The following EVA1C variants were observed in gnomAD, a reference collection of about 807,000 sequenced individuals.
EVA1C encodes the protein protein eva-1 homolog C.
In EVA1C, 25 loss-of-function variants were observed where a neutral mutation model predicts 45.4. The observed-to-expected ratio is 0.55, with a 90% confidence interval of 0.40 to 0.77. The LOEUF is 0.77. Ranked by LOEUF, EVA1C falls within the 30% of genes least tolerant of loss-of-function variation. The probability of loss-of-function intolerance (pLI) is 0.00; values close to 1 mark genes in which losing one functional copy is unlikely to be tolerated. For synonymous variants in EVA1C, 190 were observed against 221.2 expected, an observed-to-expected ratio of 0.86 and a Z score of 1.25; for missense variants, 479 against 554.8, an observed-to-expected ratio of 0.86 and a Z score of 1.37.
At chr21:32,425,334 CAAAA>C (rs60224656) in intron 1 of EVA1C, among the ~76,000 whole-genome samples, 1 of 57,770 alleles carries the variant, frequency 1.7e-5, no homozygotes. Flanking sequence ...GACTCCATCT[CAAAA>C]AAAAAAAAAA....
intron 4 of EVA1C, among the ~76,000 whole-genome samples, chr21:32,478,305 G>A (rs982134011): frequency 6.6e-5 from 10 of 151,882 alleles, no homozygotes; most frequent in African/African-American, 1.9e-4. Context: ...TGCAACCTCC[G>A]CCTCCCAGGT....
intron 7 of EVA1C, among the ~76,000 whole-genome samples, chr21:32,513,510 A>G (rs146979251): frequency 2.0e-3 from 296 of 146,190 alleles, no homozygotes; most frequent in Middle Eastern, 7.2e-3. Context: ...ATTTATAAAT[A>G]ATATACATAT....
chr21:32,464,780 C>G (rs1007308372), intron 3 of EVA1C, among the ~76,000 whole-genome samples: 6 of 152,214 alleles, frequency 3.9e-5, no homozygotes, highest in African/African-American at 7.2e-5. Flanking sequence ...CAAGATTGCA[C>G]CCCCCGCACT....
chr21:32,425,170 C>CAAACA lies in EVA1C; in HGVS notation c.160+12159_160+12160insACAAA, dbSNP rs371718177. Among the ~76,000 whole-genome samples the CAAACA allele has an allele frequency of 6.1e-5, 8 of 130,672 alleles. No individual in the cohort carries two copies. The South Asian group carries it at 1.0e-3, about 16-fold the overall frequency. 85.7% of individuals were successfully genotyped at this position (130,672 alleles called of 152,430 possible). A position where few individuals can be genotyped will look rare whatever the true frequency, so the allele number is the denominator to read the frequency against. ...TACTAAAAACAAACAAACAAACAAA[C>CAAACA]AACAACAACAAAAATTAGTTGGGTG... On this transcript the variant is annotated intron_variant, in intron 1 of 7. Transcript: ENST00000300255.
intron 1 of EVA1C, among the ~76,000 whole-genome samples, chr21:32,415,038 G>A (rs765671095): frequency 2.0e-5 from 3 of 152,132 alleles, no homozygotes; most frequent in Non-Finnish European, 2.9e-5. Context: ...GATTTTAGCC[G>A]CCCTCCCTCT....
chr21:32,501,972 T>C (rs1405006674), intron 6 of EVA1C, among the ~76,000 whole-genome samples: 1 of 150,360 alleles, frequency 6.7e-6, no homozygotes, highest in Non-Finnish European at 1.5e-5. Flanking sequence ...CCTCCCTCTC[T>C]CTCTCTCGCT....
intron 7 of EVA1C, among the ~76,000 whole-genome samples, chr21:32,512,367 A>C (rs1206937378): frequency 6.6e-6 from 1 of 152,154 alleles, no homozygotes; most frequent in South Asian, 2.1e-4. Flanking sequence ...TCAAAATATG[A>C]AAAAAGAGGT....
chr21:32,417,772 T>C (rs974764703), intron 1 of EVA1C, among the ~76,000 whole-genome samples: 1 of 152,128 alleles, frequency 6.6e-6, no homozygotes, highest in African/African-American at 2.4e-5. Flanking sequence ...CAGATAAGCA[T>C]TGGGTCTCAG....
intron 1 of EVA1C, among the ~76,000 whole-genome samples, chr21:32,447,581 T>A (rs1238834357): frequency 2.6e-5 from 4 of 152,056 alleles, no homozygotes; most frequent in Non-Finnish European, 5.9e-5. Flanking sequence ...CCTTTTACCA[T>A]GAATGTCTGG....
intron 1 of EVA1C, among the ~76,000 whole-genome samples, chr21:32,443,725 CTTTTAT>C (rs990480981): frequency 1.3e-5 from 2 of 152,168 alleles, no homozygotes; most frequent in African/African-American, 4.8e-5. Context: ...CTAGTGCTCT[CTTTTAT>C]TTTTATTTTA....
chr21:32,471,634 C>CTT (rs781057685), intron 4 of EVA1C, among the ~76,000 whole-genome samples: 1 of 133,948 alleles, frequency 7.5e-6, no homozygotes. Context: ...CCTCCATTTC[C>CTT]TTTTTTTTTT....
chr21:32,469,700 T>C (rs574503201), intron 4 of EVA1C, among the ~76,000 whole-genome samples: 1 of 152,290 alleles, frequency 6.6e-6, no homozygotes, highest in South Asian at 2.1e-4. Context: ...GGCTGCAGTT[T>C]TACATCTGAA....
At chr21:32,487,293 G>A (rs1408146950) in intron 4 of EVA1C, among the ~76,000 whole-genome samples, 1 of 152,190 alleles carries the variant, frequency 6.6e-6, no homozygotes, top group Non-Finnish European at 1.5e-5. Context: ...GCTGGAGAGA[G>A]AGGCTGGAGG....
chr21:32,507,186 C>T (rs1415733767), intron 7 of EVA1C, among the ~76,000 whole-genome samples: 2 of 152,232 alleles, frequency 1.3e-5, no homozygotes, highest in Admixed American at 6.5e-5. Flanking sequence ...TCTGAATGAT[C>T]TGTGAGATGG....
chr21:32,467,251 G>A (rs1274960923), intron 3 of EVA1C, among the ~76,000 whole-genome samples: 1 of 152,192 alleles, frequency 6.6e-6, no homozygotes, highest in Non-Finnish European at 1.5e-5. Flanking sequence ...TCTCTCCAGA[G>A]AGAGAAAGAA....
chr21:32,501,659 G>C, intron 6 of EVA1C, 164 bp downstream of exon 6: 1 of 752,640 alleles, frequency 1.3e-6, no homozygotes, highest in Non-Finnish European at 2.0e-6. Flanking sequence ...GCCAATAGTT[G>C]CAAATGGTGA....
intron 4 of EVA1C, among the ~76,000 whole-genome samples, chr21:32,481,758 C>T (rs115557461): frequency 0.01 from 1,533 of 152,252 alleles, 28 homozygotes; most frequent in African/African-American, 0.035. Context: ...AAGCTTGAAA[C>T]GTACCTTAAA....
chr21:32,475,993 T>G (rs1401261633), intron 4 of EVA1C, among the ~76,000 whole-genome samples: 1 of 152,192 alleles, frequency 6.6e-6, no homozygotes, highest in Admixed American at 6.5e-5. Flanking sequence ...ATGATTTTTC[T>G]GCATGCTTCC....
At chr21:32,430,093 G>T (rs1265537552) in intron 1 of EVA1C, among the ~76,000 whole-genome samples, 1 of 152,188 alleles carries the variant, frequency 6.6e-6, no homozygotes, top group African/African-American at 2.4e-5. Context: ...GATCAGGCGT[G>T]GAGCTTGGGG....
Sources: gnomAD v4.1 joint callset for allele counts (sites outside exome capture counted in the v4.1 genomes callset) on GRCh38, gnomAD v4.1.1 for gene constraint, MANE v1.5 for transcripts, NCBI Gene and HGNC (gene_info 2026-07-23, HGNC 2026-07-21) for gene names.